SLC25A48: variants seen among roughly 807,000 people sequenced by gnomAD.
SLC25A48 encodes CTC-321K16.1.
A neutral mutation model predicts 32.2 loss-of-function variants in SLC25A48; 29 were observed. That is an observed-to-expected ratio of 0.90 (90% CI 0.67 to 1.23). The LOEUF (loss-of-function observed/expected upper bound fraction) is 1.23, where lower values mean the gene tolerates loss of function less well. Ranked by LOEUF, SLC25A48 falls within the 50% of genes most tolerant of loss-of-function variation. The pLI, the probability that SLC25A48 is intolerant of heterozygous loss-of-function variation, is 0.00. For synonymous variants in SLC25A48, 164 were observed against 172.3 expected, an observed-to-expected ratio of 0.95 and a Z score of 0.38; for missense variants, 399 against 422.7, an observed-to-expected ratio of 0.94 and a Z score of 0.49.
intron 3 of SLC25A48, among the ~76,000 whole-genome samples, chr5:135,683,968 T>C (rs1753960315): frequency 1.3e-5 from 2 of 152,156 alleles, no homozygotes; most frequent in Admixed American, 1.3e-4. Context: ...GATTTTAGGA[T>C]TTCAGCCTGG....
chr5:135,669,246 C>T (rs1332848742), intron 3 of SLC25A48, among the ~76,000 whole-genome samples: 1 of 152,186 alleles, frequency 6.6e-6, no homozygotes, highest in Non-Finnish European at 1.5e-5. Context: ...GAGCATTCAG[C>T]CTCTGTCATG....
At chr5:135,843,192 G>T (rs1399712488) in intron 2 of SLC25A48, among the ~76,000 whole-genome samples, 1 of 152,226 alleles carries the variant, frequency 6.6e-6, no homozygotes, top group East Asian at 1.9e-4. Flanking sequence ...AGGCTCCCCA[G>T]GGGACATCCC....
intron 3 of SLC25A48, among the ~76,000 whole-genome samples, chr5:135,721,802 C>T (rs1039004294): frequency 6.6e-6 from 1 of 152,228 alleles, no homozygotes; most frequent in Non-Finnish European, 1.5e-5. Flanking sequence ...CAGCCCTGCT[C>T]ACTGACTGGG....
intron 3 of SLC25A48, among the ~76,000 whole-genome samples, chr5:135,690,503 C>G (rs902316121): frequency 6.6e-6 from 1 of 152,174 alleles, no homozygotes; most frequent in South Asian, 2.1e-4. Flanking sequence ...CTAGAAATAA[C>G]TTCTTCCCTG....
chr5:135,810,822 T>C (rs1270672865), intron 3 of SLC25A48, among the ~76,000 whole-genome samples: 5 of 152,224 alleles, frequency 3.3e-5, no homozygotes, highest in Admixed American at 2.0e-4. Flanking sequence ...AGGCCCATCA[T>C]GTGTTTCCAT....
At chr5:135,825,321 G>T (rs1381586107) in intron 4 of SLC25A48, among the ~76,000 whole-genome samples, 1 of 152,214 alleles carries the variant, frequency 6.6e-6, no homozygotes, top group African/African-American at 2.4e-5. Flanking sequence ...AGGGCACATA[G>T]CTAGCAAGTA....
chr5:135,758,054 G>T (rs1755964162), intron 3 of SLC25A48, among the ~76,000 whole-genome samples: 1 of 150,236 alleles, frequency 6.7e-6, no homozygotes, highest in African/African-American at 2.4e-5. Flanking sequence ...TCATCTCTAT[G>T]ATATTTATAA....
rs181952457 is a variant in SLC25A48, at chr5:135,637,907, G to A, written c.-521+2951G>A. Reference sequence around the variant, plus strand: ...TACTTTGATTCCTGGCATCAGAAAAGCCCAAATCTAGATCAAGAATGAGTA... The same window carrying A: ...TACTTTGATTCCTGGCATCAGAAAAACCCAAATCTAGATCAAGAATGAGTA... On this transcript the variant is annotated intron_variant, in intron 3 of 10. Coordinates refer to the SLC25A48 transcript ENST00000646290. Among the ~76,000 whole-genome samples the A allele has an allele frequency of 1.7e-3, 257 of 152,248 alleles. 2 individuals carry two copies. The highest frequency in any genetic ancestry group is 0.01 in the Middle Eastern group (3 of 294).
At chr5:135,874,712 A>G in intron 6 of SLC25A48, 2 of 702,308 alleles carry the variant, frequency 2.8e-6, no homozygotes, top group Non-Finnish European at 5.2e-6. Flanking sequence ...TGTTCTTCCT[A>G]CAGCTCAAGA....
At chr5:135,609,521 A>G (rs563597695) in intron 1 of SLC25A48, 1 of 152,384 alleles carries the variant, frequency 6.6e-6, no homozygotes, top group South Asian at 2.1e-4. Context: ...AGGTGATTGG[A>G]GAAGCCTCAT....
intron 3 of SLC25A48, among the ~76,000 whole-genome samples, chr5:135,787,660 A>T (rs6877143): frequency 1.3e-5 from 2 of 151,612 alleles, no homozygotes; most frequent in African/African-American, 2.4e-5. Context: ...GTAATATCCT[A>T]GGGGGGATGT....
chr5:135,798,742 G>A (rs1243815253), intron 3 of SLC25A48, among the ~76,000 whole-genome samples: 3 of 150,962 alleles, frequency 2.0e-5, no homozygotes, highest in African/African-American at 7.3e-5. Context: ...TGGGGAAAGA[G>A]GATGTTATTA....
intron 3 of SLC25A48, among the ~76,000 whole-genome samples, chr5:135,776,074 G>A (rs991976764): frequency 7.2e-5 from 11 of 151,786 alleles, no homozygotes; most frequent in South Asian, 6.2e-4. Context: ...TCCAAATATC[G>A]CAGAAGGTGT....
chr5:135,766,450 A>G (rs1015971093), intron 3 of SLC25A48, among the ~76,000 whole-genome samples: 2 of 150,642 alleles, frequency 1.3e-5, no homozygotes, highest in Non-Finnish European at 3.0e-5. Flanking sequence ...GGGTGATATT[A>G]CTCCTCATAT....
At chr5:135,704,952 G>T (rs1754473193) in intron 3 of SLC25A48, among the ~76,000 whole-genome samples, 3 of 152,326 alleles carry the variant, frequency 2.0e-5, no homozygotes. Context: ...TGTTGGGGCT[G>T]AGAGGACTGC....
chr5:135,828,681 G>T (rs1758127912), intron 4 of SLC25A48, among the ~76,000 whole-genome samples: 1 of 152,240 alleles, frequency 6.6e-6, no homozygotes, highest in African/African-American at 2.4e-5. Context: ...TAGCCCCAGA[G>T]ATGGGCCTTT....
chr5:135,795,891 G>A (rs1315619356), intron 3 of SLC25A48, among the ~76,000 whole-genome samples: 5 of 147,926 alleles, frequency 3.4e-5, no homozygotes, highest in South Asian at 2.2e-4. Context: ...CATAATATCC[G>A]TGGCGGGGGT....
chr5:135,609,082 G>A (rs1292388301), intron 1 of SLC25A48, among the ~76,000 whole-genome samples: 1 of 152,206 alleles, frequency 6.6e-6, no homozygotes, highest in Non-Finnish European at 1.5e-5. Context: ...CCTAATGTCC[G>A]AGTTACAAGT....
intron 4 of SLC25A48, among the ~76,000 whole-genome samples, chr5:135,822,811 GT>G (rs955034910): frequency 2.6e-5 from 4 of 152,094 alleles, no homozygotes; most frequent in African/African-American, 9.7e-5. Flanking sequence ...CATTTAGCCT[GT>G]CCCTTCTGCT....
Sources: allele counts gnomAD v4.1 joint callset (sites outside exome capture counted in the v4.1 genomes callset), GRCh38; gene constraint gnomAD v4.1.1; transcripts MANE v1.5; gene names NCBI Gene and HGNC (gene_info 2026-07-23, HGNC 2026-07-21).